Variants in GSTA5 observed in about 807,000 individuals in gnomAD.
GSTA5 encodes glutathione S-transferase alpha 5, also known as glutathione S-transferase A5.
GSTA5 carries 25 observed loss-of-function variants against 21.8 expected under a neutral mutation model. That is an observed-to-expected ratio of 1.14 (90% confidence interval 0.83 to 1.60). The LOEUF is 1.60. Among genes scored for constraint, GSTA5 ranks in the 40% most tolerant of loss-of-function variants. The pLI is 0.00. For synonymous variants in GSTA5, 102 were observed against 89.5 expected (o/e 1.14, Z -0.78); for missense variants, 330 against 259.2 (o/e 1.27, Z -1.88).
chr6:52,840,619 A>G, intron 1 of GSTA5, 108 bp downstream of exon 1: 1 of 1,046,122 alleles, frequency 9.6e-7, no homozygotes, highest in South Asian at 1.4e-5. Context: ...GTCCATTTTT[A>G]TTTAAGGCAC....
upstream of GSTA5, among the ~76,000 whole-genome samples, chr6:52,844,358 T>C (rs759388893): frequency 6.6e-6 from 1 of 152,226 alleles, no homozygotes; most frequent in Non-Finnish European, 1.5e-5. Context: ...ATTCATGAGT[T>C]CTTACTCTTA....
At chr6:52,834,422 T>C (rs1388974115) in intron 3 of GSTA5, 140 bp from the exon 4 acceptor site, 22 of 725,116 alleles carry the variant, frequency 3.0e-5, no homozygotes, top group Non-Finnish European at 4.3e-5. Context: ...CTAGTCATTA[T>C]GCTCTGAGTT....
rs115661564 is a variant in GSTA5 at position 52,839,853 on chromosome 6, T to A, written c.87+874A>T. On this transcript the variant is annotated intron_variant, in intron 1 of 5. Transcript: ENST00000370989. ...CTGGTAACACTGGGGAATGCTTGGG[T>A]GTTCTAGAAGCCTCCACGCCTCATT... 6.9e-3 allele frequency among the ~76,000 whole-genome samples: 1,045 copies of A among 152,286 alleles called. 14 individuals are homozygous for A. The highest frequency in any genetic ancestry group is 0.021 in the African/African-American group (882 of 41,556).
chr6:52,836,183 A>G, intron 3 of GSTA5, 53 bp downstream of exon 3: 2 of 1,598,648 alleles, frequency 1.3e-6, no homozygotes, highest in Non-Finnish European at 1.7e-6. Context: ...TCAAAGAAGG[A>G]CTTAAATCAC....
upstream of GSTA5, among the ~76,000 whole-genome samples, chr6:52,841,008 C>A (rs1764367086): frequency 1.3e-5 from 2 of 152,168 alleles, no homozygotes; most frequent in South Asian, 4.1e-4. Context: ...CAGCAGTGGC[C>A]ACCCTCAAAC....
intron 3 of GSTA5, among the ~76,000 whole-genome samples, chr6:52,834,691 G>C (rs7750638): frequency 0.98 from 149,957 of 152,292 alleles, 73,880 homozygotes; most frequent in East Asian, 1. Context: ...TGGCCAAAGA[G>C]CTGCCCTCTA....
exon 3 of GSTA5, chr6:52,836,262 A>G (rs200429321): frequency 2.5e-6 from 4 of 1,613,812 alleles, no homozygotes; most frequent in East Asian, 4.5e-5. Context: ...TGTCTTTCCC[A>G]TAAAGGTTGT....
Position 52,839,573 on chromosome 6 carries a change from C to T in GSTA5, c.87+1154G>A, listed in dbSNP as rs1274480000. ...CTCAGGTCCACACGGCGCTGTGAGG[C>T]TGAAGGGGCGCGCTAGAAGTTCCCT... On this transcript the variant is annotated intron_variant, in intron 1 of 5. Transcript: ENST00000370989. Among the ~76,000 whole-genome samples, 10 of 152,280 alleles carry T rather than the reference C, an allele frequency of 6.6e-5. No individual in the cohort carries two copies. The East Asian group carries it at 1.9e-3, about 29-fold the overall frequency.
chr6:52,836,452 T>A, intron 2 of GSTA5, 84 bp from the exon 3 acceptor site: 2 of 1,348,814 alleles, frequency 1.5e-6, no homozygotes, highest in Non-Finnish European at 2.0e-6. Flanking sequence ...TGGAAATGAC[T>A]AAATTTGTGA....
rs564460836 is a variant in GSTA5, at chr6:52,834,122, A to G, written c.414+19T>C. 5.6e-6 allele frequency: 9 copies of G among 1,614,012 alleles called. No individual in the cohort carries two copies. Among genetic ancestry groups the G allele is most frequent in the South Asian group, 1.1e-5 (1 of 91,084 alleles). On this transcript the variant is annotated intron_variant, in intron 4 of 5. Coordinates refer to ENST00000370989, the Ensembl canonical transcript of GSTA5. ...GTGTCTAAACTCAGTTCCCCTAAAC[A>G]TTGAACAGCTTCACTTACTTTTTCA...
At chr6:52,831,768 C>A (rs1049323684) in exon 6 of GSTA5, 8 of 1,527,200 alleles carry the variant, frequency 5.2e-6, no homozygotes, top group Middle Eastern at 1.7e-4. Flanking sequence ...GAGGCACAAT[C>A]CACACTTAGG....
At chr6:52,841,769 T>C (rs1303929438), upstream of GSTA5, among the ~76,000 whole-genome samples, 1 of 152,192 alleles carries the variant, frequency 6.6e-6, no homozygotes, top group African/African-American at 2.4e-5. Context: ...CATTTTACAG[T>C]TGAGGATACT....
exon 3 of GSTA5, chr6:52,836,360 A>G (rs1206698590): frequency 6.2e-7 from 1 of 1,613,644 alleles, no homozygotes; most frequent in Non-Finnish European, 8.5e-7. Flanking sequence ...TGGAACAGCA[A>G]ACTCCCATCT....
chr6:52,845,517 G>A (rs551341646), upstream of GSTA5, among the ~76,000 whole-genome samples: 53 of 152,308 alleles, frequency 3.5e-4, no homozygotes, highest in African/African-American at 1.3e-3. Context: ...TAGATTGGCC[G>A]TGAGTTGGTA....
At chr6:52,836,437 G>T in intron 2 of GSTA5, 69 bp from the exon 3 acceptor site, 1 of 1,484,294 alleles carries the variant, frequency 6.7e-7, no homozygotes, top group Non-Finnish European at 9.2e-7. Flanking sequence ...TGAAAAAAAT[G>T]GTTATGGAAA....
intron 2 of GSTA5, 61 bp from the exon 3 acceptor site, chr6:52,836,429 A>G: frequency 6.6e-7 from 1 of 1,508,346 alleles, no homozygotes; most frequent in East Asian, 2.3e-5. Flanking sequence ...TTTTGGGATG[A>G]AAAAAATGGT....
chr6:52,841,574 A>G (rs760792536), upstream of GSTA5, among the ~76,000 whole-genome samples: 3 of 152,250 alleles, frequency 2.0e-5, no homozygotes, highest in Admixed American at 6.5e-5. Context: ...TTGGTGTTCT[A>G]TATTTTAACT....
intron 1 of GSTA5, among the ~76,000 whole-genome samples, chr6:52,840,043 G>A (rs1764349920): frequency 6.6e-6 from 1 of 152,144 alleles, no homozygotes; most frequent in African/African-American, 2.4e-5. Context: ...TCTTTAATAG[G>A]TAGTTTGTTA....
upstream of GSTA5, among the ~76,000 whole-genome samples, chr6:52,841,686 A>G (rs1473720602): frequency 6.6e-6 from 1 of 152,228 alleles, no homozygotes; most frequent in African/African-American, 2.4e-5. Context: ...TCAGTCATAC[A>G]CTGGCCATTC....
Sources: allele counts gnomAD v4.1 joint callset (sites outside exome capture counted in the v4.1 genomes callset), GRCh38; gene constraint gnomAD v4.1.1; transcripts MANE v1.5; gene names NCBI Gene and HGNC (gene_info 2026-07-23, HGNC 2026-07-21).